Variants in GLIS3 observed in about 807,000 individuals in gnomAD.
GLIS3 encodes the protein GLIS family zinc finger 3, also known as zinc finger protein GLIS3.
Under a neutral mutation model 78.6 loss-of-function variants are expected in GLIS3, and 53 were observed. The ratio of observed to expected loss-of-function variants is 0.67; its 90% CI spans 0.54 to 0.85. The LOEUF is 0.85. Among genes scored for constraint, GLIS3 ranks in the 40% least tolerant of loss-of-function variants. GLIS3 has a pLI of 0.00. For synonymous variants in GLIS3, 684 were observed against 509.9 expected (o/e 1.34, Z -4.60); for missense variants, 1,703 against 1,231.1 (o/e 1.38, Z -5.74).
intron 4 of GLIS3, among the ~76,000 whole-genome samples, chr9:3,988,705 CA>C (rs1279931420): frequency 6.8e-6 from 1 of 146,946 alleles, no homozygotes; most frequent in Non-Finnish European, 1.5e-5. Flanking sequence ...CACGCATAGA[CA>C]AAAAAAAAGA....
At chr9:4,035,506 C>A (rs577238113) in intron 4 of GLIS3, among the ~76,000 whole-genome samples, 5 of 151,924 alleles carry the variant, frequency 3.3e-5, no homozygotes, top group African/African-American at 1.2e-4. Context: ...ACTTTAGCTC[C>A]CATGGATTCT....
At chr9:4,076,090 T>A (rs1828029704) in intron 4 of GLIS3, among the ~76,000 whole-genome samples, 1 of 152,200 alleles carries the variant, frequency 6.6e-6, no homozygotes, top group Non-Finnish European at 1.5e-5. Context: ...TCATGGAACT[T>A]TATATTTAAA....
chr9:4,265,932 G>GTTTC (rs386414347), intron 2 of GLIS3, among the ~76,000 whole-genome samples: 1 of 137,552 alleles, frequency 7.3e-6, no homozygotes, highest in Non-Finnish European at 1.5e-5. Flanking sequence ...TTGTTTGTTT[G>GTTTC]TTTGGAGACG....
chr9:3,865,779 T>C (rs1321087193), intron 8 of GLIS3, among the ~76,000 whole-genome samples: 1 of 152,234 alleles, frequency 6.6e-6, no homozygotes, highest in African/African-American at 2.4e-5. Context: ...GATTTGGCTT[T>C]TGGAGGCCAA....
intron 1 of GLIS3, among the ~76,000 whole-genome samples, chr9:4,294,727 C>G (rs1223521595): frequency 2.6e-5 from 4 of 152,152 alleles, no homozygotes; most frequent in Non-Finnish European, 4.4e-5. Context: ...GCTAATTTAT[C>G]TTTGAACTTT....
chr9:3,957,505 A>C (rs1397576668), intron 4 of GLIS3, among the ~76,000 whole-genome samples: 3 of 152,244 alleles, frequency 2.0e-5, no homozygotes, highest in Admixed American at 6.5e-5. Context: ...CAGACTTGTC[A>C]ACCAAGGGAC....
At chr9:4,025,000 G>A (rs1823206431) in intron 4 of GLIS3, among the ~76,000 whole-genome samples, 1 of 152,122 alleles carries the variant, frequency 6.6e-6, no homozygotes, top group African/African-American at 2.4e-5. Flanking sequence ...TGTAATCCCA[G>A]CACTTTGGGA....
chr9:4,003,729 C>A (rs1412347540), intron 4 of GLIS3, among the ~76,000 whole-genome samples: 2 of 152,192 alleles, frequency 1.3e-5, no homozygotes, highest in Admixed American at 6.5e-5. Context: ...GCTGGAGAAT[C>A]CACATAATAA....
chr9:4,487,057 T>G, the GLIS3 span, among the ~76,000 whole-genome samples: 1 of 152,160 alleles, frequency 6.6e-6, no homozygotes, highest in African/African-American at 2.4e-5. Context: ...TTGTTAAAAT[T>G]TTGACATATT....
upstream of GLIS3, among the ~76,000 whole-genome samples, chr9:4,303,835 A>C (rs1267986462): frequency 6.6e-6 from 1 of 152,274 alleles, no homozygotes; most frequent in Non-Finnish European, 1.5e-5. Flanking sequence ...AGCTTACCAT[A>C]ACAAACATAA....
the GLIS3 span, among the ~76,000 whole-genome samples, chr9:4,487,517 A>C: frequency 6.6e-6 from 1 of 152,046 alleles, no homozygotes; most frequent in Admixed American, 6.6e-5. Flanking sequence ...TTTAAGCCTA[A>C]ATACTTTACC....
Position 4,118,902 on chromosome 9 carries a change from G to T in GLIS3, c.597-21C>A. The T allele has an allele frequency of 6.3e-7, 1 of 1,591,644 alleles. No individual in the cohort carries two copies. The highest frequency in any genetic ancestry group is 8.5e-7 in the Non-Finnish European group (1 of 1,176,828). ...GGGACCTGGAACAGCAGCCAGAAAG[G>T]AAGAAAAAAAAAAGATAAACATTTT... On this transcript the variant is annotated intron_variant, in intron 3 of 10. Coordinates refer to ENST00000381971, the MANE Select transcript of GLIS3 (RefSeq NM_001042413.2). The surrounding 1 kb of genome is among the most constrained non-coding windows in gnomAD (Gnocchi z 4.7).
intron 8 of GLIS3, among the ~76,000 whole-genome samples, chr9:3,859,206 GCAAA>G (rs760667978): frequency 9.9e-5 from 15 of 152,232 alleles, no homozygotes; most frequent in Non-Finnish European, 2.1e-4. Context: ...TGGTGCAAAA[GCAAA>G]CAAACAAACA....
In GLIS3 at chr9:4,221,281, T is replaced by C. The variant is rs573493167; in HGVS notation, c.388+64757A>G. Among the ~76,000 whole-genome samples, 6 of 152,304 alleles carry C rather than the reference T, an allele frequency of 3.9e-5. No individual in the cohort carries two copies. In the South Asian group the frequency reaches 6.2e-4, roughly 16 times the overall value. ...TCAGGGAATCTGGGTGAAGGGCATA[T>C]GGGAATTCTTTATATTATTCTTAAA... On this transcript the variant is annotated intron_variant, in intron 2 of 10. Coordinates refer to ENST00000381971, the MANE Select transcript of GLIS3 (RefSeq NM_001042413.2).
chr9:4,366,956 T>TC, the GLIS3 span, among the ~76,000 whole-genome samples: 1 of 151,816 alleles, frequency 6.6e-6, no homozygotes, highest in Non-Finnish European at 1.5e-5. Flanking sequence ...TCTGCCACTT[T>TC]CCAGCAGAAA....
intron 2 of GLIS3, among the ~76,000 whole-genome samples, chr9:4,181,967 C>T (rs964820016): frequency 3.9e-5 from 6 of 152,140 alleles, no homozygotes; most frequent in African/African-American, 1.2e-4. Flanking sequence ...ATAATAAACA[C>T]GTATTAGCCA....
At chr9:4,094,572 A>G (rs1215016931) in intron 4 of GLIS3, among the ~76,000 whole-genome samples, 2 of 152,228 alleles carry the variant, frequency 1.3e-5, no homozygotes, top group East Asian at 3.8e-4. Flanking sequence ...GGCAAATACA[A>G]TTGAACATTC....
rs1025318795 is a variant in GLIS3 at position 4,330,555 on chromosome 9, G to A, written n.264+16526C>T. ...GAGATGAAGGGAGGTGGAGATGAAGGTTGAGATGGAGATGAAGAGAGGTGG... is the reference window on the plus strand; with the variant it reads ...GAGATGAAGGGAGGTGGAGATGAAGATTGAGATGGAGATGAAGAGAGGTGG... On this transcript the variant is annotated intron_variant and non_coding_transcript_variant, in intron 2 of 4. Transcript: ENST00000471664. Among the ~76,000 whole-genome samples, 7 of 152,132 alleles carry A rather than the reference G, an allele frequency of 4.6e-5. 1 individual carries two copies. The highest frequency in any genetic ancestry group is 1.0e-4 in the Non-Finnish European group (7 of 68,028).
At chr9:3,924,938 G>A (rs13284837) in intron 6 of GLIS3, among the ~76,000 whole-genome samples, 5,686 of 152,156 alleles carry the variant, frequency 0.037, 153 homozygotes, top group Non-Finnish European at 0.06. Context: ...AATTATCTAG[G>A]AACTCTTTCC....
Sources: gnomAD v4.1 joint callset for allele counts (sites outside exome capture counted in the v4.1 genomes callset) on GRCh38, gnomAD v4.1.1 for gene constraint, Gnocchi (gnomAD v3.1) non-coding constraint, MANE v1.5 for transcripts, NCBI Gene and HGNC (gene_info 2026-07-23, HGNC 2026-07-21) for gene names.